Variants in STOX2 observed in about 807,000 individuals in gnomAD.
STOX2 encodes the protein storkhead box 2.
In STOX2, 28 loss-of-function variants were observed where a neutral mutation model predicts 60.9. The ratio of observed to expected loss-of-function variants is 0.46; its 90% CI spans 0.34 to 0.63. The LOEUF is 0.63. Among genes scored for constraint, STOX2 ranks in the 30% least tolerant of loss-of-function variants. STOX2 has a pLI of 0.01. For synonymous variants in STOX2, 472 were observed against 463.9 expected, an observed-to-expected ratio of 1.02 and a Z score of -0.22; for missense variants, 1,024 against 1,187.7, an observed-to-expected ratio of 0.86 and a Z score of 2.03.
chr4:183,837,674 G>C (rs1419685880), intron 1 of STOX2, among the ~76,000 whole-genome samples: 1 of 151,938 alleles, frequency 6.6e-6, no homozygotes, highest in African/African-American at 2.4e-5. Context: ...GGCCAGGCTG[G>C]TCTCGAACTC....
chr4:183,926,911 C>T (rs547084407), intron 1 of STOX2, among the ~76,000 whole-genome samples: 15 of 152,306 alleles, frequency 9.8e-5, no homozygotes, highest in South Asian at 2.1e-4. Context: ...CGTGAGCCAC[C>T]GGGCCCGACC....
chr4:183,906,966 T>C lies in STOX2; in HGVS notation c.166+10T>C. The C allele has an allele frequency of 1.3e-6, 2 of 1,518,774 alleles. No individual in the cohort carries two copies. The highest frequency in any genetic ancestry group is 1.8e-6 in the Non-Finnish European group (2 of 1,126,052). The allele number at this position is 1,518,774 out of a possible 1,614,324, so 94.1% of individuals were successfully genotyped here. A position where few individuals can be genotyped will look rare whatever the true frequency, so the allele number is the denominator to read the frequency against. On this transcript the variant is annotated intron_variant, in intron 1 of 3. Transcript: ENST00000308497. ...GGCTACATGACATCAGGTTGGTTGGTGACCGCGTTTCTGCCCCCGGGCCGG... is the reference window on the plus strand; with the variant it reads ...GGCTACATGACATCAGGTTGGTTGGCGACCGCGTTTCTGCCCCCGGGCCGG...
At chr4:183,923,642 T>C (rs1045765539) in intron 1 of STOX2, among the ~76,000 whole-genome samples, 3 of 152,244 alleles carry the variant, frequency 2.0e-5, no homozygotes, top group Non-Finnish European at 4.4e-5. Flanking sequence ...TGTGATTCTT[T>C]AAGTTTTATC....
At chr4:183,852,986 C>T (rs1270990071) in intron 1 of STOX2, among the ~76,000 whole-genome samples, 5 of 152,118 alleles carry the variant, frequency 3.3e-5, no homozygotes, top group Admixed American at 1.3e-4. Flanking sequence ...TACTGATGAA[C>T]CCGGGGCACT....
chr4:183,877,932 T>G (rs909701443), intron 1 of STOX2, among the ~76,000 whole-genome samples: 29 of 152,136 alleles, frequency 1.9e-4, no homozygotes, highest in African/African-American at 6.5e-4. Flanking sequence ...CCAAGTAATC[T>G]GCCTTCCTCG....
intron 1 of STOX2, among the ~76,000 whole-genome samples, chr4:183,970,183 G>GTGTGT (rs1560911423): frequency 0.042 from 2,468 of 58,808 alleles, 109 homozygotes; most frequent in African/African-American, 0.1. Flanking sequence ...TGTGTGTGTG[G>GTGTGT]GGTTCCAGCT....
At chr4:183,801,216 T>C (rs1255930485) in intron 1 of STOX2, among the ~76,000 whole-genome samples, 2 of 152,182 alleles carry the variant, frequency 1.3e-5, no homozygotes, top group Non-Finnish European at 2.9e-5. Flanking sequence ...ATTCACTACT[T>C]AGAAATAACC....
intron 1 of STOX2, among the ~76,000 whole-genome samples, chr4:183,895,763 G>A (rs193275146): frequency 1.7e-3 from 258 of 152,312 alleles, no homozygotes; most frequent in African/African-American, 5.9e-3. Context: ...GATGAACAAA[G>A]CAGCCATTAC....
upstream of STOX2, among the ~76,000 whole-genome samples, chr4:183,901,144 A>G (rs2111073584): frequency 6.6e-6 from 1 of 152,302 alleles, no homozygotes; most frequent in Admixed American, 6.5e-5. Context: ...AGTACTTTGT[A>G]TAAGTGGAAT....
intron 1 of STOX2, among the ~76,000 whole-genome samples, chr4:183,832,374 A>G (rs1189664686): frequency 6.6e-6 from 1 of 151,860 alleles, no homozygotes; most frequent in Non-Finnish European, 1.5e-5. Flanking sequence ...TTGTATGCTT[A>G]TCTCTGTTAG....
chr4:183,816,787 A>G (rs1281238680), intron 1 of STOX2, among the ~76,000 whole-genome samples: 4 of 152,272 alleles, frequency 2.6e-5, no homozygotes, highest in Admixed American at 2.6e-4. Context: ...ATTTTATATT[A>G]AATAATCCTG....
intron 1 of STOX2, among the ~76,000 whole-genome samples, chr4:183,967,326 A>T (rs1230441515): frequency 6.6e-6 from 1 of 151,326 alleles, no homozygotes; most frequent in Non-Finnish European, 1.5e-5. Flanking sequence ...AGATTGTGCC[A>T]TTGCACTCCA....
rs1734429372 is a variant in STOX2 at position 184,017,570 on chromosome 4, A to G, written c.*286A>G. ...ACACATAGGAAAGTCTAGACACTGT[A>G]AGTGTAATACGCATTTTCAATGTCA... On this transcript the variant is annotated 3_prime_UTR_variant, in exon 4 of 4. Coordinates refer to ENST00000308497, the MANE Select transcript of STOX2 (RefSeq NM_020225.3). The G allele has an allele frequency of 3.8e-6, 1 of 261,788 alleles. No homozygotes were observed. The highest frequency in any genetic ancestry group is 9.6e-5 in the South Asian group (1 of 10,460). The allele number at this position is 261,788 out of a possible 1,614,324, so 16.2% of individuals were successfully genotyped here.
intron 2 of STOX2, among the ~76,000 whole-genome samples, chr4:184,007,487 C>T (rs533527237): frequency 6.6e-6 from 1 of 152,334 alleles, no homozygotes; most frequent in Admixed American, 6.5e-5. Flanking sequence ...CTGCTCCACA[C>T]ACGAAACTCC....
At chr4:183,882,938 A>G (rs941278393) in intron 1 of STOX2, among the ~76,000 whole-genome samples, 2 of 152,262 alleles carry the variant, frequency 1.3e-5, no homozygotes, top group Non-Finnish European at 2.9e-5. Flanking sequence ...TTCTCAGTGG[A>G]AACATTTCCA....
rs958911195 is a variant in STOX2, at chr4:184,010,794, G to C, written c.1956G>C (p.Gly652=). The part of the protein sequence containing the change: ...QVPHSSREPV[G]HKEESPKGPG... ...CCCACTCCTCCAGGGAGCCTGTGGG[G>C]CACAAGGAGGAGTCACCAAAAGGGC... The change falls in exon 3 of 4, where the codon GGG becomes GGC. Residue 652 remains glycine (G), a synonymous_variant. Coordinates refer to ENST00000308497, the MANE Select transcript of STOX2 (RefSeq NM_020225.3). The surrounding 1 kb of genome is among the most constrained non-coding windows in gnomAD (Gnocchi z 4.5). 6.3e-7 allele frequency: 1 copy of C among 1,580,786 alleles called. No homozygotes were observed. The highest frequency in any genetic ancestry group is 8.6e-7 in the Non-Finnish European group (1 of 1,164,502).
chr4:183,913,179 C>G (rs1049869316), intron 1 of STOX2, among the ~76,000 whole-genome samples: 1 of 152,096 alleles, frequency 6.6e-6, no homozygotes, highest in African/African-American at 2.4e-5. Context: ...GGAAGCGGTA[C>G]AAACCAAGGC....
intron 1 of STOX2, among the ~76,000 whole-genome samples, chr4:183,888,833 C>A (rs371993025): frequency 5.3e-5 from 8 of 152,160 alleles, no homozygotes; most frequent in South Asian, 4.1e-4. Flanking sequence ...TGCTCAAACC[C>A]GCAATTATGC....
intron 1 of STOX2, among the ~76,000 whole-genome samples, chr4:183,843,293 T>A (rs987702259): frequency 1.3e-5 from 2 of 152,132 alleles, no homozygotes; most frequent in Non-Finnish European, 2.9e-5. Flanking sequence ...GGCCACACAG[T>A]TCACACAGAG....
Sources: allele counts gnomAD v4.1 joint callset (sites outside exome capture counted in the v4.1 genomes callset), GRCh38; gene constraint gnomAD v4.1.1; non-coding constraint Gnocchi (gnomAD v3.1); transcripts MANE v1.5; gene names NCBI Gene and HGNC (gene_info 2026-07-23, HGNC 2026-07-21).